The following PLCXD3 variants were observed in gnomAD, a reference collection of about 807,000 sequenced individuals.
PLCXD3 encodes the protein PI-PLC X domain-containing protein 3.
PLCXD3 carries 19 observed loss-of-function variants against 25.5 expected under a neutral mutation model. The observed-to-expected ratio is 0.75, with a 90% CI of 0.52 to 1.09. The LOEUF (loss-of-function observed/expected upper bound fraction) is 1.09. Among genes scored for constraint, PLCXD3 ranks in the 50% least tolerant of loss-of-function variants. The pLI is 0.00. For synonymous variants in PLCXD3, 174 were observed against 137.6 expected (o/e 1.26, Z -1.85); for missense variants, 411 against 388.1 (o/e 1.06, Z -0.50).
chr5:41,487,728 G>C (rs1748550622), intron 1 of PLCXD3, among the ~76,000 whole-genome samples: 1 of 152,112 alleles, frequency 6.6e-6, no homozygotes, highest in Admixed American at 6.5e-5. Flanking sequence ...AGGAAGCCTA[G>C]TGATGATCTG....
chr5:41,382,571 A>C, intron 1 of PLCXD3, 37 bp from the exon 2 acceptor site: 2 of 1,493,514 alleles, frequency 1.3e-6, no homozygotes, highest in Non-Finnish European at 1.8e-6. Flanking sequence ...GTTAATTTCC[A>C]CGTCTTTGCC....
At chr5:41,316,524 GCCATGGTTGCTAGAGCAC>G (rs1330407942) in intron 2 of PLCXD3, among the ~76,000 whole-genome samples, 3 of 152,168 alleles carry the variant, frequency 2.0e-5, no homozygotes, top group Non-Finnish European at 4.4e-5. Flanking sequence ...TACCAACACT[GCCATGGTTGCTAGAGCAC>G]CAAGCAGACT....
At chr5:41,345,953 C>T (rs1209897864) in intron 2 of PLCXD3, among the ~76,000 whole-genome samples, 4 of 151,758 alleles carry the variant, frequency 2.6e-5, no homozygotes, top group African/African-American at 7.3e-5. Context: ...TATCTTGGCT[C>T]ACTGCAATCT....
intron 1 of PLCXD3, among the ~76,000 whole-genome samples, chr5:41,470,169 A>AG (rs1210685431): frequency 2.0e-5 from 3 of 152,292 alleles, no homozygotes; most frequent in East Asian, 1.9e-4. Context: ...TCCCAAACAA[A>AG]GGGGGGTGGC....
At chr5:41,360,978 A>G (rs1429754958) in intron 2 of PLCXD3, among the ~76,000 whole-genome samples, 1 of 151,718 alleles carries the variant, frequency 6.6e-6, no homozygotes, top group Non-Finnish European at 1.5e-5. Context: ...AGAGGTTATG[A>G]TTTTTGTCTT....
chr5:41,473,189 T>C (rs891866441), intron 1 of PLCXD3, among the ~76,000 whole-genome samples: 2 of 152,136 alleles, frequency 1.3e-5, no homozygotes, highest in Admixed American at 1.3e-4. Context: ...GGAAAATCCA[T>C]AGGCAGATAA....
Position 41,309,700 on chromosome 5 carries a change from C to G in PLCXD3, c.*3917G>C, listed in dbSNP as rs1170902657. The G allele has an allele frequency of 2.6e-5, 4 of 152,094 alleles. No homozygotes were observed. The highest frequency in any genetic ancestry group is 4.1e-4 in the South Asian group (2 of 4,824). 9.4% of individuals were successfully genotyped at this position (152,094 alleles called of 1,614,324 possible). ...CAGAACTTCAAAGAACTTAAAACAA[C>G]TTTAAGTGAAGATGTGTGTATGTGT... On this transcript the variant is annotated 3_prime_UTR_variant, in exon 3 of 3. Coordinates refer to ENST00000377801, the MANE Select transcript of PLCXD3 (RefSeq NM_001005473.3).
In PLCXD3 at chr5:41,372,312, A is replaced by T. The variant is rs1049845218; in HGVS notation, c.812+9514T>A. Among the ~76,000 whole-genome samples the T allele has an allele frequency of 6.0e-3, 839 of 139,100 alleles. 8 individuals are homozygous for T. Among genetic ancestry groups the T allele is most frequent in the African/African-American group, 0.023 (765 of 33,804 alleles). 91.3% of individuals were successfully genotyped at this position (139,100 alleles called of 152,430 possible). ...CTCTCTCTCTCTCACACACACACAC[A>T]CACACACACACACACACACACACAC... On this transcript the variant is annotated intron_variant, in intron 2 of 2. Coordinates refer to ENST00000377801, the MANE Select transcript of PLCXD3 (RefSeq NM_001005473.3).
intron 2 of PLCXD3, among the ~76,000 whole-genome samples, chr5:41,335,139 G>A (rs547295593): frequency 1.4e-4 from 21 of 152,244 alleles, no homozygotes; most frequent in African/African-American, 4.8e-4. Flanking sequence ...GGGAATTTGG[G>A]TACTCAAAGC....
chr5:41,360,894 T>C (rs1744752852), intron 2 of PLCXD3, among the ~76,000 whole-genome samples: 1 of 152,160 alleles, frequency 6.6e-6, no homozygotes. Context: ...ATAAGGAGTT[T>C]GCAAACTCAC....
rs1467049857 is a variant in PLCXD3, at chr5:41,307,933, A to G, written c.*5684T>C. On this transcript the variant is annotated 3_prime_UTR_variant, in exon 3 of 3. Transcript: ENST00000377801. The stretch of plus-strand genomic sequence containing the variant: ...TCCCAGTTACTGGGAAATGCTATAT[A>G]AGGGATTAATGGGGAAACTTGGACC... 6.6e-6 allele frequency: 1 copy of G among 152,164 alleles called. No individual in the cohort carries two copies. The highest frequency in any genetic ancestry group is 1.9e-4 in the East Asian group (1 of 5,186). 9.4% of individuals were successfully genotyped at this position (152,164 alleles called of 1,614,324 possible). A position where few individuals can be genotyped will look rare whatever the true frequency, so the allele number is the denominator to read the frequency against.
At chr5:41,416,248 A>C (rs1746689130) in intron 1 of PLCXD3, among the ~76,000 whole-genome samples, 1 of 152,278 alleles carries the variant, frequency 6.6e-6, no homozygotes, top group East Asian at 1.9e-4. Context: ...GGGTGAGGAG[A>C]TCTAGAAGGA....
intron 1 of PLCXD3, among the ~76,000 whole-genome samples, chr5:41,505,300 G>T (rs1489367218): frequency 6.6e-6 from 1 of 152,010 alleles, no homozygotes; most frequent in Non-Finnish European, 1.5e-5. Flanking sequence ...CAATCTAGTG[G>T]ATTATAAACT....
chr5:41,421,176 T>C (rs1233981350), intron 1 of PLCXD3, among the ~76,000 whole-genome samples: 1 of 152,198 alleles, frequency 6.6e-6, no homozygotes, highest in African/African-American at 2.4e-5. Context: ...TATCCAAACA[T>C]CAAAACAGAG....
chr5:41,435,372 T>C (rs1278617239), intron 1 of PLCXD3, among the ~76,000 whole-genome samples: 1 of 152,070 alleles, frequency 6.6e-6, no homozygotes, highest in Admixed American at 6.6e-5. Context: ...TAACTCAGAG[T>C]ATGCAAAAAA....
rs771052464 is a variant in PLCXD3 at position 41,382,161 on chromosome 5, G to A, written c.477C>T (p.Val159=). 6.2e-7 allele frequency: 1 copy of A among 1,613,598 alleles called. No individual in the cohort carries two copies. The highest frequency in any genetic ancestry group is 1.3e-5 in the African/African-American group (1 of 74,860). ...TTCCATAGATGTCTTTCAGCATTTG[G>A]ACCAGTTTTTCATGGTGATATTTCT... ...GMQKYHHEKL[V]QMLKDIYGNK... The change falls in exon 2 of 3, where the codon GTC becomes GTT. Residue 159 remains valine (V), a synonymous_variant. Coordinates refer to ENST00000377801, the MANE Select transcript of PLCXD3 (RefSeq NM_001005473.3).
At chr5:41,406,680 TG>T (rs1295904914) in intron 1 of PLCXD3, among the ~76,000 whole-genome samples, 1 of 152,078 alleles carries the variant, frequency 6.6e-6, no homozygotes, top group Non-Finnish European at 1.5e-5. Flanking sequence ...TGGCTTCCTG[TG>T]GGGGCCACTG....
intron 1 of PLCXD3, among the ~76,000 whole-genome samples, chr5:41,400,797 T>C (rs1746158992): frequency 6.6e-6 from 1 of 152,068 alleles, no homozygotes; most frequent in African/African-American, 2.4e-5. Context: ...AGGTTGACTA[T>C]AGTCAAATAA....
At chr5:41,347,581 C>T (rs1561240451) in intron 2 of PLCXD3, among the ~76,000 whole-genome samples, 1 of 152,184 alleles carries the variant, frequency 6.6e-6, no homozygotes, top group Non-Finnish European at 1.5e-5. Flanking sequence ...TCTGTGCAAG[C>T]ACAACATCTG....
Sources: gnomAD v4.1 joint callset for allele counts (sites outside exome capture counted in the v4.1 genomes callset) on GRCh38, gnomAD v4.1.1 for gene constraint, MANE v1.5 for transcripts, NCBI Gene and HGNC (gene_info 2026-07-23, HGNC 2026-07-21) for gene names.